The following KMO variants were observed in gnomAD, a reference collection of about 807,000 sequenced individuals.
The protein encoded by KMO is kynurenine 3-hydroxylase.
A neutral mutation model predicts 57.8 loss-of-function variants in KMO; 24 were observed. The ratio of observed to expected loss-of-function variants is 0.42; its 90% CI spans 0.30 to 0.58. KMO has a LOEUF of 0.58. Among genes scored for constraint, KMO ranks in the 20% least tolerant of loss-of-function variants. KMO has a pLI of 0.22. For missense variants in KMO, 483 were observed against 588.2 expected, an observed-to-expected ratio of 0.82 and a Z score of 1.85; for synonymous variants, 210 against 193.6, an observed-to-expected ratio of 1.08 and a Z score of -0.70.
chr1:241,586,733 C>G lies in KMO; in HGVS notation c.1012C>G (p.Leu338Val). 1 of 1,602,590 alleles carries G rather than the reference C, an allele frequency of 6.2e-7. No homozygotes were observed. Among genetic ancestry groups the G allele is most frequent in the Non-Finnish European group, 8.5e-7 (1 of 1,174,886 alleles). ...GTTAATGGATAAATTCAGTAACGAC[C>G]TTAGTAAGTAAGGTCAATTTCTCAA... ...DELMDKFSND[L>V]SLCLPVFSRL... The change falls in exon 11 of 15, where the codon CTT (leucine) becomes GTT (valine). Residue 338 changes from leucine to valine, a missense_variant. Leu to Val is a conservative substitution (Grantham distance 32, BLOSUM62 1). Coordinates refer to ENST00000366559, the MANE Select transcript of KMO (RefSeq NM_003679.5).
At chr1:241,581,598 G>GAAA (rs1366674249) in intron 10 of KMO, among the ~76,000 whole-genome samples, 2 of 149,384 alleles carry the variant, frequency 1.3e-5, no homozygotes, top group Non-Finnish European at 3.0e-5. Flanking sequence ...GAAAAAGAAA[G>GAAA]AAAGAAGAAA....
In KMO at chr1:241,590,318, G is replaced by A. The variant is rs769973544; in HGVS notation, c.1260+55G>A. ...TAATGTGGTGTTTTGAAATGTCATA[G>A]TATTATGATTATGTTTGTTTCCAAC... On this transcript the variant is annotated intron_variant, in intron 14 of 14. Transcript: ENST00000366559. 4.5e-6 allele frequency: 6 copies of A among 1,326,178 alleles called. No individual in the cohort carries two copies. In the South Asian group the frequency reaches 7.2e-5, roughly 16 times the overall value. The allele number at this position is 1,326,178 out of a possible 1,614,324, so 82.2% of individuals were successfully genotyped here.
rs779165408 is a variant in KMO at position 241,562,217 on chromosome 1, A to T, written c.500A>T (p.Asp167Val). 6.2e-7 allele frequency: 1 copy of T among 1,614,166 alleles called. No individual in the cohort carries two copies. The highest frequency in any genetic ancestry group is 8.5e-7 in the Non-Finnish European group (1 of 1,180,002). ...ACTTGTGACCTCATTGTAGGATGTG[A>T]TGGAGCCTATTCAACTGTCAGATCT... ...DVTCDLIVGC[D>V]GAYSTVRSHL... is the part of the protein sequence containing the mutation. The change falls in exon 7 of 15, where the codon GAT becomes GTT. Residue 167 changes from aspartate to valine, a missense_variant. Physicochemically the swap from Asp to Val is radical, Grantham distance 152. Around this residue, in one of 3 missense-constraint regions of KMO, gnomAD observed 410 missense variants for 492.3 expected, o/e 0.83. Transcript: ENST00000366559.
intron 1 of KMO, among the ~76,000 whole-genome samples, chr1:241,536,075 G>C (rs1660740448): frequency 6.6e-6 from 1 of 152,042 alleles, no homozygotes; most frequent in Admixed American, 6.6e-5. Context: ...ACAAAGTGGA[G>C]AATCACTCCT....
At position 241,556,845 on chromosome 1, in the gene KMO, T is replaced by C. The variant is rs192760173; in HGVS notation, c.361+1185T>C. Among the ~76,000 whole-genome samples the C allele has an allele frequency of 3.1e-3, 468 of 152,056 alleles. 2 individuals are homozygous for C. The highest frequency in any genetic ancestry group is 0.011 in the African/African-American group (439 of 41,506). On this transcript the variant is annotated intron_variant, in intron 5 of 14. Transcript: ENST00000366559. ...CGGAGGTTGCAGTGAGCCGAGATCA[T>C]GCCACTGCCCTCCAGCCTGGCTGAC...
chr1:241,566,453 C>T lies in KMO; in HGVS notation c.688-38C>T, dbSNP rs188749193. On this transcript the variant is annotated intron_variant, in intron 8 of 14. Coordinates refer to ENST00000366559, the MANE Select transcript of KMO (RefSeq NM_003679.5). Reference sequence around the variant, plus strand: ...CCACCTAGTGCCAGCGTCACTTGGCCCCCATCCCCTTTCACTCTGTTTCTC... The same window carrying T: ...CCACCTAGTGCCAGCGTCACTTGGCTCCCATCCCCTTTCACTCTGTTTCTC... The T allele has an allele frequency of 3.8e-4, 601 of 1,591,636 alleles. 1 individual carries two copies. The African/African-American group carries it at 7.4e-3, about 20-fold the overall frequency.
At position 241,594,364 on chromosome 1, in the gene KMO, T is replaced by C; in HGVS notation, c.*2211T>C. 6.5e-7 allele frequency: 1 copy of C among 1,541,226 alleles called. No individual in the cohort carries two copies. The highest frequency in any genetic ancestry group is 8.8e-7 in the Non-Finnish European group (1 of 1,132,996). ...TAGAACGGGTATTCCAGACACTTCT[T>C]ATGATGAAAGTCCAAAAGTGGCATC... On this transcript the variant is annotated 3_prime_UTR_variant, in exon 15 of 15. Coordinates refer to ENST00000366559, the MANE Select transcript of KMO (RefSeq NM_003679.5).
chr1:241,590,759 T>C (rs1025420073), intron 14 of KMO, among the ~76,000 whole-genome samples: 1 of 136,866 alleles, frequency 7.3e-6, no homozygotes, highest in African/African-American at 2.8e-5. Context: ...TTTTATTTGG[T>C]ACATAGATAG....
chr1:241,567,775 A>C (rs1033329438), intron 9 of KMO, among the ~76,000 whole-genome samples: 1 of 152,224 alleles, frequency 6.6e-6, no homozygotes, highest in Non-Finnish European at 1.5e-5. Context: ...CCAGCTGTGA[A>C]GATAAATCTC....
intron 1 of KMO, 133 bp from the exon 2 acceptor site, chr1:241,548,696 G>A (rs563055864): frequency 2.7e-4 from 129 of 478,596 alleles, no homozygotes; most frequent in Non-Finnish European, 3.3e-4. Context: ...TGTGATAAAT[G>A]AGGCTGGTAA....
rs951313805 is a variant in KMO, at chr1:241,575,796, G to A, written c.957+7149G>A. ...ATATCTGTTAGATCTATATTTTCTAGAATGTGGTTAATTCCATTGACAGCA... is the reference window on the plus strand; with the variant it reads ...ATATCTGTTAGATCTATATTTTCTAAAATGTGGTTAATTCCATTGACAGCA... On this transcript the variant is annotated intron_variant, in intron 10 of 14. Coordinates refer to ENST00000366559, the MANE Select transcript of KMO (RefSeq NM_003679.5). Among the ~76,000 whole-genome samples, 11 of 151,938 alleles carry A rather than the reference G, an allele frequency of 7.2e-5. 1 individual carries two copies. The highest frequency in any genetic ancestry group is 2.9e-5 in the Non-Finnish European group (2 of 67,874).
At chr1:241,555,992 G>A (rs1037681445) in intron 5 of KMO, among the ~76,000 whole-genome samples, 1 of 152,176 alleles carries the variant, frequency 6.6e-6, no homozygotes, top group African/African-American at 2.4e-5. Flanking sequence ...GCCTGAGGTG[G>A]AAGGATCACT....
At chr1:241,581,757 T>G (rs1003684016) in intron 10 of KMO, among the ~76,000 whole-genome samples, 1 of 152,126 alleles carries the variant, frequency 6.6e-6, no homozygotes, top group Non-Finnish European at 1.5e-5. Flanking sequence ...AATTATTATT[T>G]TTGATAAATG....
In KMO at chr1:241,594,187, G is replaced by A; in HGVS notation, c.*2034G>A. 1 of 443,160 alleles carries A rather than the reference G, an allele frequency of 2.3e-6. No individual in the cohort carries two copies. The highest frequency in any genetic ancestry group is 3.5e-5 in the East Asian group (1 of 28,326). 27.5% of individuals were successfully genotyped at this position (443,160 alleles called of 1,614,324 possible). On this transcript the variant is annotated 3_prime_UTR_variant, in exon 15 of 15. Transcript: ENST00000366559. ...AACACATTAGAAGATGATGATGTTA[G>A]ATGCCCATCGTGTGCCACAAGTGGT...
intron 5 of KMO, among the ~76,000 whole-genome samples, chr1:241,556,663 A>G (rs1482564331): frequency 6.6e-6 from 1 of 152,188 alleles, no homozygotes; most frequent in African/African-American, 2.4e-5. Flanking sequence ...GCGGATCACA[A>G]GGTCAGGAGT....
intron 7 of KMO, 27 bp from the exon 8 acceptor site, chr1:241,564,960 A>G (rs950666444): frequency 1.4e-6 from 2 of 1,451,774 alleles, no homozygotes; most frequent in Non-Finnish European, 1.9e-6. Context: ...GAATGCACTA[A>G]TCAATCATAT....
chr1:241,572,261 A>T (rs573680684), intron 10 of KMO, among the ~76,000 whole-genome samples: 80 of 152,190 alleles, frequency 5.3e-4, no homozygotes, highest in African/African-American at 1.9e-3. Flanking sequence ...TACTGCTTCT[A>T]TCTTGTTACT....
intron 4 of KMO, among the ~76,000 whole-genome samples, chr1:241,552,578 T>A (rs2147951843): frequency 6.6e-6 from 1 of 152,206 alleles, no homozygotes; most frequent in South Asian, 2.1e-4. Flanking sequence ...TCTCACCTGG[T>A]ATTGGCCGTG....
chr1:241,579,973 TC>T (rs914461413), intron 10 of KMO, among the ~76,000 whole-genome samples: 1 of 152,152 alleles, frequency 6.6e-6, no homozygotes, highest in African/African-American at 2.4e-5. Context: ...CAGCTGCTGC[TC>T]CTGCTTTTAT....
Sources: allele counts gnomAD v4.1 joint callset (sites outside exome capture counted in the v4.1 genomes callset), GRCh38; gene constraint gnomAD v4.1.1; regional missense constraint gnomAD v4.1.1; transcripts MANE v1.5; gene names NCBI Gene and HGNC (gene_info 2026-07-23, HGNC 2026-07-21).